Variants in GHR observed in about 807,000 individuals in gnomAD.
GHR encodes the protein growth hormone receptor.
A neutral mutation model predicts 67.1 loss-of-function variants in GHR; 35 were observed. The observed-to-expected ratio is 0.52, with a 90% CI of 0.40 to 0.69. GHR has a LOEUF of 0.69. Among genes scored for constraint, GHR ranks in the 30% least tolerant of loss-of-function variants. The pLI is 0.00. For missense variants in GHR, 792 were observed against 764.6 expected, an observed-to-expected ratio of 1.04 and a Z score of -0.42; for synonymous variants, 272 against 269.1, an observed-to-expected ratio of 1.01 and a Z score of -0.10.
At chr5:42,549,004 T>A (rs1380774914) in intron 1 of GHR, among the ~76,000 whole-genome samples, 1 of 152,240 alleles carries the variant, frequency 6.6e-6, no homozygotes, top group Non-Finnish European at 1.5e-5. Context: ...TTCAACAGTT[T>A]ACATTAAGAA....
intron 3 of GHR, among the ~76,000 whole-genome samples, chr5:42,646,693 T>C (rs547997740): frequency 2.0e-4 from 31 of 152,058 alleles, no homozygotes; most frequent in Non-Finnish European, 4.0e-4. Context: ...AGATAGAAAA[T>C]ATTGTCCCAC....
chr5:42,689,902 A>T (rs1223621917), intron 4 of GHR, among the ~76,000 whole-genome samples: 1 of 152,110 alleles, frequency 6.6e-6, no homozygotes, highest in Non-Finnish European at 1.5e-5. Flanking sequence ...GTACTTTTTC[A>T]TTTTTACCAG....
chr5:42,452,280 G>T (rs1325440501), intron 1 of GHR, among the ~76,000 whole-genome samples: 1 of 152,160 alleles, frequency 6.6e-6, no homozygotes, highest in Non-Finnish European at 1.5e-5. Flanking sequence ...CTGTTAATCT[G>T]ATAGGTTTTT....
intron 3 of GHR, among the ~76,000 whole-genome samples, chr5:42,661,617 A>G (rs1430152312): frequency 1.3e-5 from 2 of 152,236 alleles, no homozygotes; most frequent in Non-Finnish European, 2.9e-5. Context: ...CTAAACATGG[A>G]AAGGAACAAC....
intron 2 of GHR, among the ~76,000 whole-genome samples, chr5:42,592,965 T>C (rs2112601213): frequency 6.6e-6 from 1 of 152,286 alleles, no homozygotes; most frequent in South Asian, 2.1e-4. Flanking sequence ...TTCATTGTGG[T>C]TTTGATTTGC....
intron 1 of GHR, among the ~76,000 whole-genome samples, chr5:42,522,077 A>C (rs1034833050): frequency 5.9e-5 from 9 of 152,018 alleles, no homozygotes; most frequent in Non-Finnish European, 1.2e-4. Context: ...CAAAATAAAC[A>C]CCCCATTGTT....
At chr5:42,434,088 G>C (rs750536746) in intron 1 of GHR, among the ~76,000 whole-genome samples, 1 of 152,058 alleles carries the variant, frequency 6.6e-6, no homozygotes, top group Non-Finnish European at 1.5e-5. Context: ...GTTCCAAGAG[G>C]CCTATTAAAG....
intron 3 of GHR, among the ~76,000 whole-genome samples, chr5:42,667,753 G>A (rs1360707945): frequency 6.6e-6 from 1 of 152,144 alleles, no homozygotes; most frequent in Non-Finnish European, 1.5e-5. Context: ...AGTAGGTATG[G>A]GTGGAAATAA....
chr5:42,468,296 C>G, intron 1 of GHR: 2 of 1,575,344 alleles, frequency 1.3e-6, no homozygotes, highest in Non-Finnish European at 1.7e-6. Flanking sequence ...GGGCCTAGGG[C>G]CATGGCTTCT....
At chr5:42,635,513 AGT>A (rs560942470) in intron 3 of GHR, among the ~76,000 whole-genome samples, 109 of 152,348 alleles carry the variant, frequency 7.2e-4, no homozygotes, top group African/African-American at 2.6e-3. Context: ...TGGACTTTGC[AGT>A]GACTTTTTTC....
intron 2 of GHR, among the ~76,000 whole-genome samples, chr5:42,590,554 A>G (rs868665626): frequency 6.6e-6 from 1 of 152,238 alleles, no homozygotes. Context: ...TCCCCTTAAA[A>G]GCAACCACAG....
chr5:42,605,467 G>A (rs1351851738), intron 2 of GHR, among the ~76,000 whole-genome samples: 7 of 152,084 alleles, frequency 4.6e-5, no homozygotes, highest in African/African-American at 9.6e-5. Context: ...AGTGGCCCTC[G>A]GTAGGAATGT....
chr5:42,660,693 A>G (rs974742619), intron 3 of GHR, among the ~76,000 whole-genome samples: 14 of 152,348 alleles, frequency 9.2e-5, no homozygotes, highest in Non-Finnish European at 1.6e-4. Flanking sequence ...AAACTCTGAA[A>G]AGCAGAGCAC....
intron 1 of GHR, among the ~76,000 whole-genome samples, chr5:42,510,023 C>T (rs1385629607): frequency 6.6e-6 from 1 of 152,136 alleles, no homozygotes; most frequent in African/African-American, 2.4e-5. Flanking sequence ...GCCTTAAAGG[C>T]CCTCAATCTT....
At chr5:42,447,762 T>C (rs991793209) in intron 1 of GHR, among the ~76,000 whole-genome samples, 3 of 148,392 alleles carry the variant, frequency 2.0e-5, no homozygotes, top group African/African-American at 7.5e-5. Flanking sequence ...CTTTCTTTTC[T>C]TTCTCTCTCT....
chr5:42,713,814 G>T, intron 8 of GHR: 1 of 329,712 alleles, frequency 3.0e-6, no homozygotes, highest in Non-Finnish European at 5.7e-6. Context: ...CCAAGAGCTA[G>T]CTCTTTCCCT....
intron 1 of GHR, among the ~76,000 whole-genome samples, chr5:42,558,699 A>T (rs1749441625): frequency 6.6e-6 from 1 of 152,194 alleles, no homozygotes; most frequent in African/African-American, 2.4e-5. Context: ...CATATAGCCT[A>T]GGTGTGTAGT....
In GHR at chr5:42,699,826, C is replaced by T; in HGVS notation, c.442C>T (p.Gln148Ter). 6.2e-7 allele frequency: 1 copy of T among 1,603,872 alleles called. No individual in the cohort carries two copies. Among genetic ancestry groups the T allele is most frequent in the Non-Finnish European group, 8.5e-7 (1 of 1,170,768 alleles). Reference protein sequence around the residue: ...EKCFSVDEIVQPDPPIALNWT... With the variant: ...EKCFSVDEIV ...TAATGCTCTGTTGAATTGCACAGTG[C>T]AACCAGATCCACCCATTGCCCTCAA... The change falls in exon 6 of 10, where the codon CAA becomes TAA. Residue 148 changes from glutamine (Q) to a stop codon, truncating the protein, a stop_gained and splice_region_variant. Coordinates refer to ENST00000230882, the MANE Select transcript of GHR (RefSeq NM_000163.5). LOFTEE classifies it high-confidence loss of function.
intron 1 of GHR, among the ~76,000 whole-genome samples, chr5:42,451,098 A>C (rs1018407688): frequency 6.6e-6 from 1 of 152,148 alleles, no homozygotes; most frequent in Admixed American, 6.5e-5. Context: ...AAGAATGTAT[A>C]TTCTACATTT....
Sources: gnomAD v4.1 joint callset for allele counts (sites outside exome capture counted in the v4.1 genomes callset) on GRCh38, gnomAD v4.1.1 for gene constraint, MANE v1.5 for transcripts, NCBI Gene and HGNC (gene_info 2026-07-23, HGNC 2026-07-21) for gene names.